The following DUSP15 variants were observed in gnomAD, a reference collection of about 807,000 sequenced individuals.
The protein encoded by DUSP15 is dual specificity protein phosphatase 15.
Under a neutral mutation model 26.3 loss-of-function variants are expected in DUSP15, and 23 were observed. The observed-to-expected ratio is 0.87, with a 90% confidence interval of 0.63 to 1.24. The LOEUF (loss-of-function observed/expected upper bound fraction) is 1.24. Ranked by LOEUF, DUSP15 falls within the 50% of genes most tolerant of loss-of-function variation. DUSP15 has a pLI of 0.00. For synonymous variants in DUSP15, 143 were observed against 135.5 expected (o/e 1.06, Z -0.39); for missense variants, 364 against 320.6 (o/e 1.14, Z -1.03).
At chr20:31,869,186 C>T (rs1020431822) in intron 2 of DUSP15, among the ~76,000 whole-genome samples, 1 of 152,244 alleles carries the variant, frequency 6.6e-6, no homozygotes. Flanking sequence ...GAAGAGTGCT[C>T]AGCAGCTGGT....
Position 31,870,204 on chromosome 20 carries a change from G to A in DUSP15, c.21+113C>T. On this transcript the variant is annotated intron_variant, in intron 1 of 6. Coordinates refer to ENST00000339738, the MANE Select transcript of DUSP15 (RefSeq NM_080611.5). This position sits in a 1 kb window ranked among gnomAD's most constrained non-coding sequence, Gnocchi z 6.6. ...GTCACAGGGACACGGAGATGCCGCCGCACGGAGACCGGCGAGAACAGAAGG... is the reference window on the plus strand; with the variant it reads ...GTCACAGGGACACGGAGATGCCGCCACACGGAGACCGGCGAGAACAGAAGG... 1.6e-6 allele frequency: 2 copies of A among 1,225,716 alleles called. No individual in the cohort carries two copies. The highest frequency in any genetic ancestry group is 2.0e-6 in the Non-Finnish European group (2 of 983,810). 75.9% of individuals were successfully genotyped at this position (1,225,716 alleles called of 1,614,324 possible).
intron 1 of DUSP15, chr20:31,869,831 G>T: frequency 7.0e-7 from 1 of 1,426,170 alleles, no homozygotes; most frequent in Non-Finnish European, 9.2e-7. Context: ...AGGGAGGCCA[G>T]CTTGGGTATG....
At position 31,861,653 on chromosome 20, in the gene DUSP15, C is replaced by G. The variant is rs543995606; in HGVS notation, c.458G>C (p.Arg153Pro). 39 of 1,369,634 alleles carry G rather than the reference C, an allele frequency of 2.8e-5. 1 individual carries two copies. Among genetic ancestry groups the G allele is most frequent in the African/African-American group, 2.8e-4 (18 of 64,094 alleles). The allele number at this position is 1,369,634 out of a possible 1,614,324, so 84.8% of individuals were successfully genotyped here. A position where few individuals can be genotyped will look rare whatever the true frequency, so the allele number is the denominator to read the frequency against. The part of the protein sequence containing the change: ...SQKLRRQLEE[R>P]FGESPFRDEE... ...GTCGCGGAAGGGGCTCTCGCCGAAG[C>G]GCTCCTCCAGCTGCCGGCGAAGCTG... Residue 153 changes from arginine (R) to proline (P), a missense_variant, in exon 7 of 7, where the codon CGC becomes CCC. Physicochemically the swap from Arg to Pro is moderately radical, Grantham distance 103. Coordinates refer to ENST00000339738, the MANE Select transcript of DUSP15 (RefSeq NM_080611.5).
chr20:31,850,830 G>A (rs2062456528), intron 6 of DUSP15, among the ~76,000 whole-genome samples: 1 of 152,144 alleles, frequency 6.6e-6, no homozygotes, highest in South Asian at 2.1e-4. Flanking sequence ...TGGTAGTAAG[G>A]AACCCTGCTG....
Position 31,861,476 on chromosome 20 carries a change from A to G in DUSP15, c.635T>C (p.Leu212Pro). ...PRTPREAHRP[L>P]PLLARVKQTF... Reference sequence around the variant, plus strand: ...CTGCTTGACGCGCGCCAGCAGCGGCAGCGGCCGGTGGGCTTCCCGGGGCGT... The same window carrying G: ...CTGCTTGACGCGCGCCAGCAGCGGCGGCGGCCGGTGGGCTTCCCGGGGCGT... The change falls in exon 7 of 7, where the codon CTG becomes CCG. Residue 212 changes from leucine (L) to proline (P), a missense_variant. Coordinates refer to ENST00000339738, the MANE Select transcript of DUSP15 (RefSeq NM_080611.5). 6.5e-7 allele frequency: 1 copy of G among 1,543,056 alleles called. No individual in the cohort carries two copies. Among genetic ancestry groups the G allele is most frequent in the Non-Finnish European group, 8.7e-7 (1 of 1,154,796 alleles).
At position 31,865,429 on chromosome 20, in the gene DUSP15, T is replaced by A. The variant is rs190679310; in HGVS notation, c.139-427A>T. Among the ~76,000 whole-genome samples the A allele has an allele frequency of 9.8e-5, 15 of 152,362 alleles. No homozygotes were observed. The East Asian group carries it at 2.9e-3, about 29-fold the overall frequency. ...AAGTATACATTTCAGGAATCATGGT[T>A]ATAAAATGATGTGCTGATTATGAGA... On this transcript the variant is annotated intron_variant, in intron 3 of 6. Coordinates refer to ENST00000339738, the MANE Select transcript of DUSP15 (RefSeq NM_080611.5).
Position 31,861,596 on chromosome 20 carries a change from C to T in DUSP15, c.515G>A (p.Cys172Tyr). 6.7e-7 allele frequency: 1 copy of T among 1,494,986 alleles called. No homozygotes were observed. Among genetic ancestry groups the T allele is most frequent in the Non-Finnish European group, 8.8e-7 (1 of 1,130,788 alleles). The allele number at this position is 1,494,986 out of a possible 1,614,324, so 92.6% of individuals were successfully genotyped here. A position where few individuals can be genotyped will look rare whatever the true frequency, so the allele number is the denominator to read the frequency against. ...CGCGGAGCCCTGCCGGCAGCGCTTG[C>T]ACAGCGGCAGCAGCGCGCGCAACTC... ...EEELRALLPLCKRCRQGSATS... is the reference protein window; with the variant it reads ...EEELRALLPLYKRCRQGSATS... Residue 172 changes from cysteine (C) to tyrosine (Y), a missense_variant, in exon 7 of 7, where the codon TGC (cysteine) becomes TAC (tyrosine). Physicochemically the swap from Cys to Tyr is radical, Grantham distance 194. Coordinates refer to ENST00000339738, the MANE Select transcript of DUSP15 (RefSeq NM_080611.5).
At chr20:31,851,638 T>C (rs1489003083) in intron 6 of DUSP15, among the ~76,000 whole-genome samples, 1 of 151,974 alleles carries the variant, frequency 6.6e-6, no homozygotes, top group Non-Finnish European at 1.5e-5. Flanking sequence ...GAGCTGGTGC[T>C]CTGGAGGGAT....
downstream of DUSP15, among the ~76,000 whole-genome samples, chr20:31,856,857 G>A (rs778658048): frequency 1.8e-4 from 28 of 152,098 alleles, no homozygotes; most frequent in Non-Finnish European, 3.5e-4. Context: ...GGACAGGATG[G>A]AGGTTGAGAA....
intron 6 of DUSP15, among the ~76,000 whole-genome samples, chr20:31,851,877 C>A (rs564007353): frequency 6.6e-6 from 1 of 152,286 alleles, no homozygotes; most frequent in South Asian, 2.1e-4. Flanking sequence ...CAAGAGACAG[C>A]CTGCTATTCC....
At chr20:31,850,847 C>G (rs953271897) in intron 6 of DUSP15, among the ~76,000 whole-genome samples, 5 of 152,134 alleles carry the variant, frequency 3.3e-5, no homozygotes, top group African/African-American at 1.2e-4. Flanking sequence ...GCTGGGCCAG[C>G]CTGTGGGGCC....
rs2062889355 is a variant in DUSP15 at position 31,870,139 on chromosome 20, C to T, written c.21+178G>A. The stretch of plus-strand genomic sequence containing the variant: ...GGCGGACACAGCGGGGACAGAGACG[C>T]AGGGTCAGAGAGGGGGAGACCCGAC... On this transcript the variant is annotated intron_variant, in intron 1 of 6. Transcript: ENST00000339738. This position sits in a 1 kb window ranked among gnomAD's most constrained non-coding sequence, Gnocchi z 6.6. 2 of 1,234,438 alleles carry T rather than the reference C, an allele frequency of 1.6e-6. No individual in the cohort carries two copies. Among genetic ancestry groups the T allele is most frequent in the Non-Finnish European group, 2.0e-6 (2 of 988,280 alleles). The allele number at this position is 1,234,438 out of a possible 1,614,324, so 76.5% of individuals were successfully genotyped here.
At chr20:31,858,775 C>T (rs2062601759), downstream of DUSP15, among the ~76,000 whole-genome samples, 1 of 152,198 alleles carries the variant, frequency 6.6e-6, no homozygotes, top group African/African-American at 2.4e-5. The surrounding 1 kb of genome is among the most constrained non-coding windows in gnomAD (Gnocchi z 4.4). Flanking sequence ...CACAGGGATT[C>T]TCAAACTAAC....
chr20:31,869,652 C>A, intron 1 of DUSP15, 55 bp from the exon 2 acceptor site: 1 of 1,603,522 alleles, frequency 6.2e-7, no homozygotes, highest in Non-Finnish European at 8.5e-7. Flanking sequence ...CCCTTCCACC[C>A]CCAGGGCAGC....
chr20:31,870,458 C>G lies in DUSP15; in HGVS notation c.-121G>C. Reference sequence around the variant, plus strand: ...GCCTGGCGGGGAACGGGGGGCCTGGCGTCCGCGGCCCTGCCCAGCCCTGCC... The same window carrying G: ...GCCTGGCGGGGAACGGGGGGCCTGGGGTCCGCGGCCCTGCCCAGCCCTGCC... On this transcript the variant is annotated 5_prime_UTR_variant, in exon 1 of 7. Transcript: ENST00000339738. The surrounding 1 kb of genome is among the most constrained non-coding windows in gnomAD (Gnocchi z 6.6). 3 of 1,282,652 alleles carry G rather than the reference C, an allele frequency of 2.3e-6. No individual in the cohort carries two copies. Among genetic ancestry groups the G allele is most frequent in the Non-Finnish European group, 2.9e-6 (3 of 1,019,212 alleles). 79.5% of individuals were successfully genotyped at this position (1,282,652 alleles called of 1,614,324 possible).
At chr20:31,869,685 T>C in intron 1 of DUSP15, 88 bp from the exon 2 acceptor site, 2 of 1,561,618 alleles carry the variant, frequency 1.3e-6, no homozygotes, top group Non-Finnish European at 1.7e-6. Flanking sequence ...AGCCCCTCTC[T>C]GTCCCATGAA....
At chr20:31,848,354 T>C in exon 10 of DUSP15, 3 of 1,561,448 alleles carry the variant, frequency 1.9e-6, no homozygotes, top group East Asian at 4.7e-5. Flanking sequence ...ATGGGCTTAG[T>C]GTGGGCAGGG....
intron 4 of DUSP15, chr20:31,864,568 G>T: frequency 4.9e-6 from 3 of 612,694 alleles, no homozygotes; most frequent in Non-Finnish European, 6.1e-6. Flanking sequence ...TACAGGTGAG[G>T]CCCAGAGCGG....
Position 31,864,969 on chromosome 20 carries a change from T to C in DUSP15, c.172A>G (p.Thr58Ala). 6.2e-7 allele frequency: 1 copy of C among 1,613,094 alleles called. No individual in the cohort carries two copies. The part of the protein sequence containing the change: ...ITYLRIPVAD[T>A]PEVPIKKHFK... ...GGAACTTACATGGGTACCTCAGGGG[T>C]ATCAGCGACCGGGATGCGAAGGTAG... Residue 58 changes from threonine (T) to alanine (A), a missense_variant, in exon 4 of 7, where the codon ACC (threonine) becomes GCC (alanine). Physicochemically the swap from Thr to Ala is moderately conservative, Grantham distance 58. Coordinates refer to ENST00000339738, the MANE Select transcript of DUSP15 (RefSeq NM_080611.5).
Sources: allele counts gnomAD v4.1 joint callset (sites outside exome capture counted in the v4.1 genomes callset), GRCh38; gene constraint gnomAD v4.1.1; non-coding constraint Gnocchi (gnomAD v3.1); transcripts MANE v1.5; gene names NCBI Gene and HGNC (gene_info 2026-07-23, HGNC 2026-07-21).